Variants in ZNF254 observed in about 807,000 individuals in gnomAD.
The protein encoded by ZNF254 is zinc finger protein 254, also known as CTD-2017D11.1.
ZNF254 carries 10 observed loss-of-function variants against 12.4 expected under a neutral mutation model. The observed-to-expected ratio is 0.80, with a 90% confidence interval of 0.50 to 1.36. The LOEUF is 1.36. Among genes scored for constraint, ZNF254 ranks in the 40% most tolerant of loss-of-function variants. ZNF254 has a pLI of 0.00. For missense variants in ZNF254, 996 were observed against 763.9 expected, an observed-to-expected ratio of 1.30 and a Z score of -3.58; for synonymous variants, 305 against 253.4, an observed-to-expected ratio of 1.20 and a Z score of -1.93.
chr19:24,040,897 T>C (rs549117010), intron 1 of ZNF254, among the ~76,000 whole-genome samples: 1 of 152,360 alleles, frequency 6.6e-6, no homozygotes, highest in Middle Eastern at 3.4e-3. Flanking sequence ...TAAGGGACTC[T>C]GTGTGCTATA....
chr19:24,043,514 A>T (rs62113673), intron 1 of ZNF254, among the ~76,000 whole-genome samples: 3 of 152,028 alleles, frequency 2.0e-5, no homozygotes, highest in African/African-American at 7.2e-5. Context: ...CACCTACCTC[A>T]GCCTCCTAAA....
Position 24,107,293 on chromosome 19 carries a change from A to G in ZNF254, c.253+650A>G, listed in dbSNP as rs991115526. The G allele has an allele frequency of 2.6e-5, 15 of 583,290 alleles. No individual in the cohort carries two copies. In the African/African-American group the frequency reaches 2.9e-4, roughly 11 times the overall value. 36.1% of individuals were successfully genotyped at this position (583,290 alleles called of 1,614,324 possible). ...TCTTTAAATCTACAGGTCACTTTGG[A>G]TAATATGGCAGTTTCATAATACTTA... On this transcript the variant is annotated intron_variant, in intron 3 of 3. Transcript: ENST00000357002.
intron 1 of ZNF254, among the ~76,000 whole-genome samples, chr19:24,102,851 T>C (rs773448199): frequency 6.6e-6 from 1 of 152,178 alleles, no homozygotes; most frequent in Non-Finnish European, 1.5e-5. Flanking sequence ...ATCTGTGTCC[T>C]TCTCATCTGT....
intron 2 of ZNF254, chr19:24,080,642 G>C (rs1971813728): frequency 6.6e-6 from 1 of 152,148 alleles, no homozygotes; most frequent in Non-Finnish European, 1.5e-5. Context: ...GACTAGTCTG[G>C]CCAACATGGT....
chr19:24,092,386 T>C (rs1972443923), intron 1 of ZNF254, among the ~76,000 whole-genome samples: 1 of 150,998 alleles, frequency 6.6e-6, no homozygotes, highest in African/African-American at 2.4e-5. Flanking sequence ...GCCAGGCTGG[T>C]CTTGAACTCC....
At chr19:24,088,352 T>G (rs967944684) in intron 1 of ZNF254, among the ~76,000 whole-genome samples, 3 of 152,202 alleles carry the variant, frequency 2.0e-5, no homozygotes, top group African/African-American at 7.2e-5. Flanking sequence ...TTAGATTTTT[T>G]TTTTAGAAGT....
rs1190311725 is a variant in ZNF254 at position 24,127,207 on chromosome 19, G to A, written c.1207G>A (p.Glu403Lys). Residue 403 changes from glutamate (E) to lysine (K), a missense_variant, in exon 4 of 4, where the codon GAG becomes AAG. Glu to Lys is a moderately conservative substitution (Grantham distance 56). Transcript: ENST00000357002. ...TACACATAAAATAATTCATGTTGGA[G>A]AGAAACTCTACAAATGTGAAGAATG... ...LTTHKIIHVGEKLYKCEECGK... is the reference protein window; with the variant it reads ...LTTHKIIHVGKKLYKCEECGK... 6.2e-7 allele frequency: 1 copy of A among 1,613,040 alleles called. No individual in the cohort carries two copies. The highest frequency in any genetic ancestry group is 8.5e-7 in the Non-Finnish European group (1 of 1,179,616).
intron 1 of ZNF254, among the ~76,000 whole-genome samples, chr19:24,035,665 C>G (rs930531222): frequency 2.6e-5 from 4 of 151,840 alleles, no homozygotes; most frequent in Non-Finnish European, 5.9e-5. Flanking sequence ...GAGCGAGACT[C>G]GGTCTCAAAG....
chr19:24,115,904 C>T (rs1974033285), intron 3 of ZNF254, among the ~76,000 whole-genome samples: 1 of 152,152 alleles, frequency 6.6e-6, no homozygotes, highest in Admixed American at 6.5e-5. Context: ...GTGACAAAGT[C>T]TCTCAGCATT....
intron 1 of ZNF254, among the ~76,000 whole-genome samples, chr19:24,034,207 C>A: frequency 6.6e-6 from 1 of 151,812 alleles, no homozygotes; most frequent in East Asian, 2.0e-4. Flanking sequence ...TCGGCCTGAC[C>A]GGGAAATAGA....
At position 24,126,964 on chromosome 19, in the gene ZNF254, T is replaced by C; in HGVS notation, c.964T>C (p.Tyr322His). 6.2e-7 allele frequency: 1 copy of C among 1,613,574 alleles called. No individual in the cohort carries two copies. Among genetic ancestry groups the C allele is most frequent in the Non-Finnish European group, 8.5e-7 (1 of 1,179,784 alleles). Residue 322 changes from tyrosine to histidine, a missense_variant, in exon 4 of 4, where the codon TAC becomes CAC. Tyr to His is a moderately conservative substitution (Grantham distance 83, BLOSUM62 2). Coordinates refer to ENST00000357002, the MANE Select transcript of ZNF254 (RefSeq NM_203282.4). Reference protein sequence around the residue: ...HKKIHTRKKPYKCEECGKAFI... With the variant: ...HKKIHTRKKPHKCEECGKAFI... ...GAAAATTCATACTAGAAAGAAACCC[T>C]ACAAGTGTGAAGAATGTGGCAAAGC...
intron 2 of ZNF254, among the ~76,000 whole-genome samples, chr19:24,047,282 C>G (rs147215302): frequency 4.6e-5 from 7 of 151,692 alleles, no homozygotes; most frequent in African/African-American, 1.5e-4. Flanking sequence ...TCCTCCTTCT[C>G]TCTTTCCCTT....
chr19:24,034,191 C>T (rs1023229196), intron 1 of ZNF254, among the ~76,000 whole-genome samples: 2 of 152,158 alleles, frequency 1.3e-5, no homozygotes, highest in Non-Finnish European at 2.9e-5. Context: ...AAGTGATCCG[C>T]CCGCCTCGGC....
intron 3 of ZNF254, among the ~76,000 whole-genome samples, chr19:24,117,381 A>T (rs1009744590): frequency 1.3e-5 from 2 of 152,138 alleles, no homozygotes; most frequent in African/African-American, 4.8e-5. Context: ...TGTTTACCTA[A>T]GGAAGCCTGG....
At chr19:24,048,780 G>A (rs1970508553) in intron 2 of ZNF254, among the ~76,000 whole-genome samples, 1 of 151,898 alleles carries the variant, frequency 6.6e-6, no homozygotes, top group African/African-American at 2.4e-5. Context: ...CTAGGCTTAA[G>A]TGCAGTTACT....
intron 1 of ZNF254, among the ~76,000 whole-genome samples, chr19:24,043,390 T>A (rs1213585343): frequency 6.6e-6 from 1 of 152,034 alleles, no homozygotes; most frequent in Admixed American, 6.6e-5. Flanking sequence ...GCCTCCCGAG[T>A]AGCTGGTACG....
At chr19:24,070,304 C>T (rs1971436531) in intron 2 of ZNF254, among the ~76,000 whole-genome samples, 1 of 152,224 alleles carries the variant, frequency 6.6e-6, no homozygotes, top group Admixed American at 6.5e-5. Context: ...TTACATGGCC[C>T]AGCACACAGG....
intron 2 of ZNF254, among the ~76,000 whole-genome samples, chr19:24,050,214 C>T (rs922457159): frequency 1.3e-5 from 2 of 152,054 alleles, no homozygotes; most frequent in African/African-American, 4.8e-5. Context: ...GGATGGAGTG[C>T]AGTGGCGTGA....
intron 2 of ZNF254, among the ~76,000 whole-genome samples, chr19:24,072,562 C>T (rs2145504722): frequency 6.6e-6 from 1 of 152,312 alleles, no homozygotes; most frequent in East Asian, 1.9e-4. Flanking sequence ...TGCCTGGGCC[C>T]TGCCCACAAG....
Sources: gnomAD v4.1 joint callset for allele counts (sites outside exome capture counted in the v4.1 genomes callset) on GRCh38, gnomAD v4.1.1 for gene constraint, MANE v1.5 for transcripts, NCBI Gene and HGNC (gene_info 2026-07-23, HGNC 2026-07-21) for gene names.